Variants in CHST11 observed in about 807,000 individuals in gnomAD.
CHST11 encodes the protein carbohydrate sulfotransferase 11, also known as C4S-1.
A neutral mutation model predicts 30.4 loss-of-function variants in CHST11; 9 were observed. The ratio of observed to expected loss-of-function variants is 0.30; its 90% CI spans 0.18 to 0.52. The LOEUF is 0.52. Among genes scored for constraint, CHST11 ranks in the 20% least tolerant of loss-of-function variants. The pLI is 0.97. For missense variants in CHST11, 348 were observed against 460.6 expected, an observed-to-expected ratio of 0.76 and a Z score of 2.24; for synonymous variants, 152 against 187.8, an observed-to-expected ratio of 0.81 and a Z score of 1.56.
chr12:104,540,597 A>G (rs1217211463), intron 1 of CHST11, among the ~76,000 whole-genome samples: 1 of 152,160 alleles, frequency 6.6e-6, no homozygotes, highest in Admixed American at 6.5e-5. Context: ...GTACTCCTCC[A>G]CCCTCACCTG....
rs961885954 is a variant in CHST11, at chr12:104,758,741, C to A, written c.*938C>A. On this transcript the variant is annotated 3_prime_UTR_variant, in exon 3 of 3. Transcript: ENST00000303694. Reference sequence around the variant, plus strand: ...ATGAGCAACAGCAGAAGGTCCATGACCCCTACAAATTTACATTTTTCTATG... The same window carrying A: ...ATGAGCAACAGCAGAAGGTCCATGAACCCTACAAATTTACATTTTTCTATG... 6.6e-6 allele frequency: 1 copy of A among 152,176 alleles called. No individual in the cohort carries two copies. The highest frequency in any genetic ancestry group is 1.5e-5 in the Non-Finnish European group (1 of 68,030). The allele number at this position is 152,176 out of a possible 1,614,324, so 9.4% of individuals were successfully genotyped here.
chr12:104,616,315 A>G (rs1428338596), intron 2 of CHST11, among the ~76,000 whole-genome samples: 2 of 152,222 alleles, frequency 1.3e-5, no homozygotes, highest in Admixed American at 6.5e-5. Context: ...AGTATTTTCT[A>G]TAAACCCTCA....
chr12:104,659,918 G>T (rs1405011007), intron 2 of CHST11, among the ~76,000 whole-genome samples: 3 of 151,490 alleles, frequency 2.0e-5, no homozygotes, highest in Non-Finnish European at 4.4e-5. Context: ...AGAGTTTGAG[G>T]TTACAGTGAG....
chr12:104,558,538 T>TGG (rs2038481082), intron 1 of CHST11, among the ~76,000 whole-genome samples: 1 of 117,824 alleles, frequency 8.5e-6, no homozygotes. Flanking sequence ...CAGCAGAAAT[T>TGG]CCCCCCCCCG....
chr12:104,611,489 A>T (rs2039059198), intron 2 of CHST11, among the ~76,000 whole-genome samples: 1 of 152,194 alleles, frequency 6.6e-6, no homozygotes, highest in Admixed American at 6.5e-5. Flanking sequence ...TGAGGGAAGG[A>T]GCTATGTCTT....
At chr12:104,749,712 A>C (rs901361729) in intron 2 of CHST11, among the ~76,000 whole-genome samples, 4 of 152,212 alleles carry the variant, frequency 2.6e-5, no homozygotes, top group African/African-American at 9.6e-5. Context: ...AACTGTGCTC[A>C]GGGAACGTGT....
At chr12:104,560,131 G>C (rs2136015854) in intron 1 of CHST11, among the ~76,000 whole-genome samples, 1 of 152,286 alleles carries the variant, frequency 6.6e-6, no homozygotes, top group Admixed American at 6.5e-5. Flanking sequence ...GATGAGGCTG[G>C]ATTGGGTGGG....
Position 104,497,570 on chromosome 12 carries a change from C to T in CHST11, c.118+40041C>T, listed in dbSNP as rs1462472076. Among the ~76,000 whole-genome samples, 5 of 151,418 alleles carry T rather than the reference C, an allele frequency of 3.3e-5. No individual in the cohort carries two copies. In the East Asian group the frequency reaches 5.8e-4, roughly 18 times the overall value. On this transcript the variant is annotated intron_variant, in intron 1 of 2. Transcript: ENST00000303694. ...ACTCCTCTGATGCTTAAGTACCTCA[C>T]GTATTAAAAAAAAATGTTTACATCC...
At chr12:104,613,665 C>T (rs1045163376) in intron 2 of CHST11, among the ~76,000 whole-genome samples, 2 of 152,206 alleles carry the variant, frequency 1.3e-5, no homozygotes, top group African/African-American at 4.8e-5. Flanking sequence ...GAGGCCTCCC[C>T]AGCCATGCTT....
rs139660779 is a variant in CHST11, at chr12:104,596,079, G to A, written c.119-5827G>A. On this transcript the variant is annotated intron_variant, in intron 1 of 2. Coordinates refer to ENST00000303694, the MANE Select transcript of CHST11 (RefSeq NM_018413.6). ...TTAATGTCCTTTGAGGGCTGACTTT[G>A]GGTCCCCCAGGTACAAAACAGAATT... Among the ~76,000 whole-genome samples the A allele has an allele frequency of 1.1e-3, 174 of 152,262 alleles. 1 individual carries two copies. The highest frequency in any genetic ancestry group is 1.5e-3 in the Non-Finnish European group (105 of 68,006).
chr12:104,741,532 CATGAAT>C (rs1388686519), intron 2 of CHST11, among the ~76,000 whole-genome samples: 1 of 152,204 alleles, frequency 6.6e-6, no homozygotes, highest in African/African-American at 2.4e-5. Flanking sequence ...TGTGAAATTC[CATGAAT>C]CCTTTACAGT....
intron 2 of CHST11, among the ~76,000 whole-genome samples, chr12:104,714,699 C>T (rs1198022616): frequency 1.3e-5 from 2 of 152,118 alleles, no homozygotes; most frequent in East Asian, 3.9e-4. Context: ...ATGAGCACAG[C>T]ACAGCCCAGC....
intron 1 of CHST11, among the ~76,000 whole-genome samples, chr12:104,570,488 C>T (rs940296455): frequency 6.6e-6 from 1 of 152,102 alleles, no homozygotes; most frequent in Non-Finnish European, 1.5e-5. Flanking sequence ...GAACCAAGCT[C>T]ACTGGGGATG....
chr12:104,701,421 C>T (rs776113520), intron 2 of CHST11, among the ~76,000 whole-genome samples: 21 of 152,258 alleles, frequency 1.4e-4, no homozygotes, highest in Admixed American at 7.2e-4. Context: ...TTTCTGTGAG[C>T]CCCAGACTGA....
intron 2 of CHST11, among the ~76,000 whole-genome samples, chr12:104,724,427 C>G (rs889304779): frequency 3.2e-4 from 48 of 152,122 alleles, no homozygotes; most frequent in African/African-American, 1.1e-3. Context: ...TGCCACTGAA[C>G]TGGAAGGAGA....
chr12:104,635,199 G>A (rs146414069), intron 2 of CHST11, among the ~76,000 whole-genome samples: 14 of 152,162 alleles, frequency 9.2e-5, no homozygotes, highest in African/African-American at 2.9e-4. Flanking sequence ...AGGGGCCTCC[G>A]CACACCCTCA....
chr12:104,760,926 C>A lies in CHST11; in HGVS notation c.*3123C>A, dbSNP rs1404166185. Reference sequence around the variant, plus strand: ...GTTTTTTAAAGAGGAATATTTGAAACTGCTTTCTATGCATGCTTAGCTGGA... The same window carrying A: ...GTTTTTTAAAGAGGAATATTTGAAAATGCTTTCTATGCATGCTTAGCTGGA... On this transcript the variant is annotated 3_prime_UTR_variant, in exon 3 of 3. Transcript: ENST00000303694. 1 of 152,222 alleles carries A rather than the reference C, an allele frequency of 6.6e-6. No individual in the cohort carries two copies. Among genetic ancestry groups the A allele is most frequent in the Non-Finnish European group, 1.5e-5 (1 of 68,038 alleles). 9.4% of individuals were successfully genotyped at this position (152,222 alleles called of 1,614,324 possible).
chr12:104,549,040 T>G (rs1247645404), intron 1 of CHST11, among the ~76,000 whole-genome samples: 1 of 152,210 alleles, frequency 6.6e-6, no homozygotes, highest in African/African-American at 2.4e-5. Context: ...ACCAAACAGA[T>G]CCCAACCACG....
chr12:104,503,747 C>G (rs1246462520), intron 1 of CHST11, among the ~76,000 whole-genome samples: 1 of 152,114 alleles, frequency 6.6e-6, no homozygotes, highest in African/African-American at 2.4e-5. Flanking sequence ...TGGCCACCAC[C>G]AGTGGGACAT....
Sources: allele counts gnomAD v4.1 joint callset (sites outside exome capture counted in the v4.1 genomes callset), GRCh38; gene constraint gnomAD v4.1.1; transcripts MANE v1.5; gene names NCBI Gene and HGNC (gene_info 2026-07-23, HGNC 2026-07-21).